STK32A: variants seen among roughly 807,000 people sequenced by gnomAD.
The protein encoded by STK32A is serine/threonine kinase 32A, also known as serine/threonine-protein kinase 32A.
A neutral mutation model predicts 53.2 loss-of-function variants in STK32A; 41 were observed. The observed-to-expected ratio is 0.77, with a 90% CI of 0.60 to 1.00. The LOEUF is 1.00. STK32A is among the 50% of genes least tolerant of loss of function. STK32A has a pLI of 0.00. For synonymous variants in STK32A, 166 were observed against 162.8 expected (o/e 1.02, Z -0.15); for missense variants, 458 against 485.8 (o/e 0.94, Z 0.54).
chr5:147,307,516 G>A (rs1391934079), intron 4 of STK32A, among the ~76,000 whole-genome samples: 1 of 151,776 alleles, frequency 6.6e-6, no homozygotes, highest in Non-Finnish European at 1.5e-5. Flanking sequence ...CAGCTACTTG[G>A]GAAGCTGAGG....
intron 4 of STK32A, among the ~76,000 whole-genome samples, chr5:147,314,450 A>T (rs997419108): frequency 7.1e-6 from 1 of 140,700 alleles, no homozygotes; most frequent in African/African-American, 2.7e-5. Context: ...GGGCGTGGAG[A>T]TTGTGCCATT....
At chr5:147,294,155 A>T (rs1049941432) in intron 4 of STK32A, among the ~76,000 whole-genome samples, 1 of 152,256 alleles carries the variant, frequency 6.6e-6, no homozygotes, top group African/African-American at 2.4e-5. Flanking sequence ...TTTTAGAAAA[A>T]CTTATAAACA....
intron 2 of STK32A, among the ~76,000 whole-genome samples, chr5:147,243,742 A>AAAAAAAAC (rs1291402582): frequency 6.6e-6 from 1 of 151,882 alleles, no homozygotes; most frequent in Non-Finnish European, 1.5e-5. Context: ...TCTGTCCAAA[A>AAAAAAAAC]AAAAACGGCT....
At chr5:147,373,077 C>G in intron 9 of STK32A, 92 bp from the exon 10 acceptor site, 3 of 1,517,334 alleles carry the variant, frequency 2.0e-6, no homozygotes, top group Non-Finnish European at 2.7e-6. Flanking sequence ...TCCTTCAGTC[C>G]TACAGTTGAA....
chr5:147,377,587 T>C (rs1757282758), intron 11 of STK32A, among the ~76,000 whole-genome samples: 2 of 152,124 alleles, frequency 1.3e-5, no homozygotes, highest in African/African-American at 2.4e-5. Flanking sequence ...TATTTTTTGA[T>C]TGTTGAAGGC....
At chr5:147,297,972 C>A (rs1752944568) in intron 4 of STK32A, among the ~76,000 whole-genome samples, 2 of 93,082 alleles carry the variant, frequency 2.1e-5, no homozygotes, top group African/African-American at 4.7e-5. Context: ...GAGCAAGACT[C>A]TGTCTCAAAA....
At chr5:147,321,897 C>T (rs1321050981) in intron 4 of STK32A, among the ~76,000 whole-genome samples, 4 of 152,184 alleles carry the variant, frequency 2.6e-5, no homozygotes, top group African/African-American at 9.7e-5. Context: ...ACCAAACCCT[C>T]ACACACCTCA....
chr5:147,394,225 A>G, the STK32A span: 12 of 1,196,864 alleles, frequency 1.0e-5, no homozygotes, highest in Non-Finnish European at 1.1e-5. Flanking sequence ...AGTGCAAGAT[A>G]TGAAGTGCCT....
chr5:147,250,707 C>T (rs919552294), intron 2 of STK32A, among the ~76,000 whole-genome samples: 3 of 152,020 alleles, frequency 2.0e-5, no homozygotes, highest in African/African-American at 4.8e-5. Flanking sequence ...TTTGGGAGGC[C>T]GAGGTGAGCA....
At chr5:147,235,796 T>C (rs1422864518) in intron 1 of STK32A, among the ~76,000 whole-genome samples, 1 of 152,232 alleles carries the variant, frequency 6.6e-6, no homozygotes, top group African/African-American at 2.4e-5. Flanking sequence ...ATTGTGGCTG[T>C]CTTTGGAAAG....
At chr5:147,245,088 A>C (rs988680169) in intron 2 of STK32A, among the ~76,000 whole-genome samples, 4 of 152,236 alleles carry the variant, frequency 2.6e-5, no homozygotes, top group African/African-American at 9.6e-5. Flanking sequence ...AAACACTTTA[A>C]AAGAAGCCAA....
chr5:147,297,097 G>C (rs1306884905), intron 4 of STK32A, among the ~76,000 whole-genome samples: 1 of 152,128 alleles, frequency 6.6e-6, no homozygotes, highest in South Asian at 2.1e-4. Context: ...CTTAACCAAG[G>C]TTATGTCTAA....
rs886625671 is a variant in STK32A at position 147,373,090 on chromosome 5, C to T, written c.778-79C>T. Reference sequence around the variant, plus strand: ...TTTCCTTCAGTCCTACAGTTGAAAGCATTTAGAGGGAATTTGTATGATTTT... The same window carrying T: ...TTTCCTTCAGTCCTACAGTTGAAAGTATTTAGAGGGAATTTGTATGATTTT... On this transcript the variant is annotated intron_variant, in intron 9 of 12. Coordinates refer to ENST00000397936, the MANE Select transcript of STK32A (RefSeq NM_001112724.2). 15 of 1,569,510 alleles carry T rather than the reference C, an allele frequency of 9.6e-6. No homozygotes were observed. In the Admixed American group the frequency reaches 2.3e-4, roughly 24 times the overall value.
intron 4 of STK32A, among the ~76,000 whole-genome samples, chr5:147,287,520 C>T (rs748863832): frequency 1.2e-4 from 18 of 152,128 alleles, no homozygotes; most frequent in Non-Finnish European, 2.2e-4. Flanking sequence ...ATTTAATATA[C>T]AATTTGCTCA....
At chr5:147,268,883 AG>A (rs1222730774) in intron 2 of STK32A, among the ~76,000 whole-genome samples, 1 of 152,228 alleles carries the variant, frequency 6.6e-6, no homozygotes, top group Non-Finnish European at 1.5e-5. Flanking sequence ...GCATAAGAAG[AG>A]GAGAAGCAGA....
At chr5:147,267,570 A>G (rs1235327013) in intron 2 of STK32A, among the ~76,000 whole-genome samples, 1 of 152,218 alleles carries the variant, frequency 6.6e-6, no homozygotes, top group Non-Finnish European at 1.5e-5. Flanking sequence ...CTATAGATGT[A>G]TATATGCTAC....
chr5:147,272,154 T>A (rs948476774), intron 2 of STK32A, among the ~76,000 whole-genome samples: 5 of 152,150 alleles, frequency 3.3e-5, no homozygotes, highest in Admixed American at 2.6e-4. Flanking sequence ...TACGTGACTA[T>A]CAGGGGCAGG....
At chr5:147,305,473 G>A (rs561970059) in intron 4 of STK32A, among the ~76,000 whole-genome samples, 47 of 152,116 alleles carry the variant, frequency 3.1e-4, no homozygotes, top group Non-Finnish European at 6.0e-4. Flanking sequence ...TCAGCCTTCA[G>A]GCTGTTTTAG....
At chr5:147,310,347 C>G (rs530142833) in intron 4 of STK32A, among the ~76,000 whole-genome samples, 3 of 152,238 alleles carry the variant, frequency 2.0e-5, no homozygotes, top group Non-Finnish European at 4.4e-5. Flanking sequence ...TAGTTCATCC[C>G]CCTCTGACCT....
Sources: gnomAD v4.1 joint callset for allele counts (sites outside exome capture counted in the v4.1 genomes callset) on GRCh38, gnomAD v4.1.1 for gene constraint, MANE v1.5 for transcripts, NCBI Gene and HGNC (gene_info 2026-07-23, HGNC 2026-07-21) for gene names.